The following ATG10 variants were observed in gnomAD, a reference collection of about 807,000 sequenced individuals.
The protein encoded by ATG10 is autophagy related 10, also known as ubiquitin-like-conjugating enzyme ATG10.
In ATG10, 30 loss-of-function variants were observed where a neutral mutation model predicts 32.1. That is an observed-to-expected ratio of 0.94 (90% CI 0.70 to 1.27). The LOEUF (loss-of-function observed/expected upper bound fraction) is 1.27. Among genes scored for constraint, ATG10 ranks in the 50% most tolerant of loss-of-function variants. The pLI, the probability that ATG10 is intolerant of heterozygous loss-of-function variation, is 0.00. For missense variants in ATG10, 233 were observed against 262.3 expected (o/e 0.89, Z 0.77); for synonymous variants, 87 against 91.5 (o/e 0.95, Z 0.28).
At chr5:82,154,153 A>G (rs1767721174) in intron 3 of ATG10, among the ~76,000 whole-genome samples, 1 of 152,204 alleles carries the variant, frequency 6.6e-6, no homozygotes, top group African/African-American at 2.4e-5. Context: ...ATAATATTCT[A>G]TGACATTAAA....
rs777541393 is a variant in ATG10 at position 82,058,515 on chromosome 5, G to C, written c.129G>C (p.Met43Ile). The change falls in exon 3 of 8, where the codon ATG becomes ATC. Residue 43 changes from methionine (M) to isoleucine (I), a missense_variant. By Grantham distance (10) the Met-to-Ile change is conservative. Coordinates refer to ENST00000282185, the MANE Select transcript of ATG10 (RefSeq NM_031482.5). ...RPSKDCSDGY[M>I]CKIHFQIKNG... ...CACAGGACTGTTCTGATGGCTACAT[G>C]TGCAAAATACACTTTCAAATTAAGA... 2 of 1,613,032 alleles carry C rather than the reference G, an allele frequency of 1.2e-6. No homozygotes were observed. Among genetic ancestry groups the C allele is most frequent in the South Asian group, 1.1e-5 (1 of 91,024 alleles).
At chr5:81,979,488 G>C (rs1253375232) in intron 1 of ATG10, among the ~76,000 whole-genome samples, 1 of 151,960 alleles carries the variant, frequency 6.6e-6, no homozygotes, top group East Asian at 1.9e-4. Context: ...AGATAGCACC[G>C]CTGCACTCCA....
At chr5:82,080,851 T>A (rs1367692546) in intron 3 of ATG10, among the ~76,000 whole-genome samples, 1 of 152,224 alleles carries the variant, frequency 6.6e-6, no homozygotes, top group Non-Finnish European at 1.5e-5. Flanking sequence ...TGTGGGCTCT[T>A]TTTTGTTCCG....
At chr5:82,188,610 G>A (rs1340927163) in intron 5 of ATG10, among the ~76,000 whole-genome samples, 1 of 152,114 alleles carries the variant, frequency 6.6e-6, no homozygotes, top group African/African-American at 2.4e-5. Flanking sequence ...TTTTGAGAAA[G>A]AGGTTAATGG....
chr5:82,058,511 A>G lies in ATG10; in HGVS notation c.125A>G (p.Tyr42Cys). The G allele has an allele frequency of 1.2e-6, 2 of 1,612,944 alleles. No individual in the cohort carries two copies. The highest frequency in any genetic ancestry group is 1.7e-6 in the Non-Finnish European group (2 of 1,179,096). Residue 42 changes from tyrosine (Y) to cysteine (C), a missense_variant, in exon 3 of 8, where the codon TAC becomes TGC. Physicochemically the swap from Tyr to Cys is radical, Grantham distance 194. Transcript: ENST00000282185. ...GAAACACAGGACTGTTCTGATGGCTACATGTGCAAAATACACTTTCAAATT... is the reference window on the plus strand; with the variant it reads ...GAAACACAGGACTGTTCTGATGGCTGCATGTGCAAAATACACTTTCAAATT... ...WRPSKDCSDGYMCKIHFQIKN... is the reference protein window; with the variant it reads ...WRPSKDCSDGCMCKIHFQIKN...
Position 82,085,093 on chromosome 5 carries a change from C to T in ATG10, c.216+26491C>T, listed in dbSNP as rs543264832. Among the ~76,000 whole-genome samples the T allele has an allele frequency of 3.4e-4, 51 of 152,124 alleles. No homozygotes were observed. The East Asian group carries it at 7.3e-3, about 22-fold the overall frequency. On this transcript the variant is annotated intron_variant, in intron 3 of 7. Transcript: ENST00000282185. ...TGCTGTATTCAGGAGACCCATCTCA[C>T]GTGCAGAGACACACATAGGCTCAAA...
chr5:82,247,477 T>G (rs1250102982), intron 5 of ATG10, among the ~76,000 whole-genome samples: 3 of 152,230 alleles, frequency 2.0e-5, no homozygotes, highest in Non-Finnish European at 4.4e-5. Flanking sequence ...AGAATTTCTA[T>G]TTAGTTCTTT....
intron 5 of ATG10, among the ~76,000 whole-genome samples, chr5:82,251,359 C>T (rs532751984): frequency 2.0e-5 from 3 of 152,176 alleles, no homozygotes; most frequent in Admixed American, 2.0e-4. Context: ...CTAGGCATCC[C>T]CTAGTCTAAA....
At chr5:82,156,705 C>T (rs1767811080) in intron 3 of ATG10, among the ~76,000 whole-genome samples, 1 of 152,180 alleles carries the variant, frequency 6.6e-6, no homozygotes, top group Non-Finnish European at 1.5e-5. Flanking sequence ...GATAATTTTT[C>T]AAGAGGTCAA....
intron 2 of ATG10, among the ~76,000 whole-genome samples, chr5:82,028,043 T>C (rs186384024): frequency 2.2e-4 from 34 of 152,330 alleles, no homozygotes; most frequent in African/African-American, 7.9e-4. Flanking sequence ...GGTCACACCA[T>C]TAAAAGCTAA....
At chr5:82,071,683 AC>A (rs1370656373) in intron 3 of ATG10, among the ~76,000 whole-genome samples, 1 of 152,114 alleles carries the variant, frequency 6.6e-6, no homozygotes, top group Non-Finnish European at 1.5e-5. Flanking sequence ...GGGGCTCTGC[AC>A]TAAGGAAAGT....
At chr5:82,175,462 G>A (rs940780682) in intron 4 of ATG10, among the ~76,000 whole-genome samples, 5 of 152,166 alleles carry the variant, frequency 3.3e-5, no homozygotes, top group Non-Finnish European at 5.9e-5. Flanking sequence ...GTTGTTTAAG[G>A]TGATGAAAAT....
chr5:82,081,362 C>T (rs903045705), intron 3 of ATG10, among the ~76,000 whole-genome samples: 1 of 152,160 alleles, frequency 6.6e-6, no homozygotes, highest in Non-Finnish European at 1.5e-5. Flanking sequence ...CTTTCTCTTG[C>T]CTGATTGCCC....
At chr5:82,186,592 ATTT>A (rs11287973) in intron 5 of ATG10, among the ~76,000 whole-genome samples, 8 of 112,350 alleles carry the variant, frequency 7.1e-5, no homozygotes, top group Admixed American at 9.3e-5. Context: ...TTCCATATTC[ATTT>A]TTTTTTTTTT....
chr5:82,202,487 C>T (rs1162628435), intron 5 of ATG10, among the ~76,000 whole-genome samples: 1 of 152,228 alleles, frequency 6.6e-6, no homozygotes, highest in Non-Finnish European at 1.5e-5. Context: ...AAATAAATCT[C>T]TGTCTCTCTC....
chr5:81,993,891 G>A (rs1761581479), intron 2 of ATG10, among the ~76,000 whole-genome samples: 3 of 152,320 alleles, frequency 2.0e-5, no homozygotes, highest in Non-Finnish European at 4.4e-5. Flanking sequence ...TGTACTGGTT[G>A]ATAGTATATT....
At chr5:82,118,810 A>C (rs745541974) in intron 3 of ATG10, among the ~76,000 whole-genome samples, 1 of 152,158 alleles carries the variant, frequency 6.6e-6, no homozygotes, top group South Asian at 2.1e-4. Flanking sequence ...GGGGAGTACA[A>C]GTACTTAGGA....
At chr5:82,114,328 G>A (rs1168815794) in intron 3 of ATG10, among the ~76,000 whole-genome samples, 4 of 151,950 alleles carry the variant, frequency 2.6e-5, no homozygotes, top group Non-Finnish European at 5.9e-5. Context: ...GGTAGAAGTG[G>A]AGAAAGGGGA....
intron 5 of ATG10, among the ~76,000 whole-genome samples, chr5:82,243,576 C>G (rs1217395274): frequency 6.6e-6 from 1 of 152,000 alleles, no homozygotes; most frequent in South Asian, 2.1e-4. Flanking sequence ...GTGATAAACA[C>G]CATCACTTCA....
Sources: gnomAD v4.1 joint callset for allele counts (sites outside exome capture counted in the v4.1 genomes callset) on GRCh38, gnomAD v4.1.1 for gene constraint, MANE v1.5 for transcripts, NCBI Gene and HGNC (gene_info 2026-07-23, HGNC 2026-07-21) for gene names.